Variants in MIER1 observed in about 807,000 individuals in gnomAD.
The protein encoded by MIER1 is MIER1 transcriptional regulator, also known as mesoderm induction early response protein 1.
MIER1 carries 40 observed loss-of-function variants against 75.7 expected under a neutral mutation model. The ratio of observed to expected loss-of-function variants is 0.53; its 90% CI spans 0.41 to 0.69. The LOEUF is 0.69. Ranked by LOEUF, MIER1 falls within the 30% of genes least tolerant of loss-of-function variation. The pLI is 0.00. For synonymous variants in MIER1, 213 were observed against 223.4 expected (o/e 0.95, Z 0.42); for missense variants, 574 against 680.2 (o/e 0.84, Z 1.74).
intron 7 of MIER1, 174 bp downstream of exon 7, chr1:66,959,917 A>C: frequency 3.0e-6 from 1 of 333,598 alleles, no homozygotes. Context: ...CATCTAGGTT[A>C]GATTAGAAAT....
intron 7 of MIER1, among the ~76,000 whole-genome samples, chr1:66,962,708 C>T (rs966010983): frequency 6.6e-6 from 1 of 152,084 alleles, no homozygotes; most frequent in Non-Finnish European, 1.5e-5. Context: ...ACTGATGCTG[C>T]TCATATAGGG....
chr1:66,958,943 G>A lies in MIER1; in HGVS notation c.594G>A (p.Gln198=). The stretch of plus-strand genomic sequence containing the variant: ...AATCTGTTGCTTCTCAAGATGCCCA[G>A]GAAATAATCCGCCCACGTCGATGTA... ...PSQSVASQDA[Q]EIIRPRRCKY... Residue 198 remains glutamine, a synonymous_variant, in exon 6 of 14, where the codon CAG becomes CAA. Coordinates refer to ENST00000401041, the MANE Select transcript of MIER1 (RefSeq NM_001077700.3). 1 of 1,612,986 alleles carries A rather than the reference G, an allele frequency of 6.2e-7. No homozygotes were observed. The highest frequency in any genetic ancestry group is 8.5e-7 in the Non-Finnish European group (1 of 1,179,404).
intron 13 of MIER1, among the ~76,000 whole-genome samples, chr1:66,983,717 T>C (rs774304843): frequency 6.6e-6 from 1 of 152,162 alleles, no homozygotes; most frequent in Non-Finnish European, 1.5e-5. Context: ...CTTAGGTAAA[T>C]AGTGTGTGAT....
intron 4 of MIER1, among the ~76,000 whole-genome samples, chr1:66,956,710 T>C (rs1024407589): frequency 1.3e-5 from 2 of 152,216 alleles, no homozygotes; most frequent in African/African-American, 4.8e-5. Context: ...TGCAAATCAT[T>C]AGGGGTCTTG....
chr1:66,925,330 G>T, intron 1 of MIER1: 1 of 985,428 alleles, frequency 1.0e-6, no homozygotes, highest in Non-Finnish European at 1.2e-6. Context: ...GCCTCCCAGC[G>T]CCGCCTTTTT....
chr1:66,977,051 G>A (rs1362537219), intron 12 of MIER1, among the ~76,000 whole-genome samples: 1 of 152,000 alleles, frequency 6.6e-6, no homozygotes, highest in Non-Finnish European at 1.5e-5. Flanking sequence ...CAGAACAGCT[G>A]TGAAAGCATG....
At chr1:66,949,321 A>AATTAGTAGAAAAATTTAG (rs1658388401) in intron 4 of MIER1, among the ~76,000 whole-genome samples, 2 of 152,214 alleles carry the variant, frequency 1.3e-5, no homozygotes, top group African/African-American at 4.8e-5. Flanking sequence ...GTAGAAAATT[A>AATTAGTAGAAAAATTTAG]CTAATGGGCT....
intron 4 of MIER1, among the ~76,000 whole-genome samples, chr1:66,953,612 T>TTA (rs1553248352): frequency 1.8e-4 from 27 of 149,622 alleles, no homozygotes; most frequent in African/African-American, 6.7e-4. Context: ...TTTTTTTTTT[T>TTA]AATATTCTTG....
chr1:66,964,552 A>G (rs1177017396), intron 8 of MIER1, among the ~76,000 whole-genome samples: 1 of 150,132 alleles, frequency 6.7e-6, no homozygotes, highest in East Asian at 2.0e-4. Context: ...TCTCAGGTTC[A>G]AGCAGTTCTC....
chr1:66,961,777 C>T (rs1348212607), intron 7 of MIER1, among the ~76,000 whole-genome samples: 2 of 152,054 alleles, frequency 1.3e-5, no homozygotes, highest in African/African-American at 4.8e-5. Flanking sequence ...CAAGATGTGA[C>T]AATAAAGGAC....
chr1:66,943,395 AATT>A (rs1656708104), intron 3 of MIER1, among the ~76,000 whole-genome samples: 1 of 152,190 alleles, frequency 6.6e-6, no homozygotes, highest in African/African-American at 2.4e-5. Context: ...TTTTTATTTA[AATT>A]ATTCTAAAAC....
At chr1:66,937,688 A>G (rs909511455) in intron 2 of MIER1, among the ~76,000 whole-genome samples, 4 of 152,224 alleles carry the variant, frequency 2.6e-5, no homozygotes, top group African/African-American at 9.6e-5. Flanking sequence ...TCCACACCCA[A>G]ACTTCCTATA....
At chr1:66,945,843 AAAG>A (rs1308845061) in intron 3 of MIER1, among the ~76,000 whole-genome samples, 1 of 152,166 alleles carries the variant, frequency 6.6e-6, no homozygotes, top group Admixed American at 6.5e-5. Context: ...ACCCTGTCTC[AAAG>A]AAGAAGAAGA....
rs78450744 is a variant in MIER1 at position 66,971,890 on chromosome 1, C to T, written c.1006+154C>T. Among the ~76,000 whole-genome samples the T allele has an allele frequency of 8.2e-4, 124 of 151,900 alleles. No individual in the cohort carries two copies. The East Asian group carries it at 8.9e-3, about 11-fold the overall frequency. On this transcript the variant is annotated intron_variant, in intron 10 of 13. Transcript: ENST00000401041. ...CCAAGTATTACTAAACAAATCGTTA[C>T]GGGGAGTGGGATTAAGATTGTCCCT...
chr1:66,948,685 G>C (rs34813338), intron 4 of MIER1, among the ~76,000 whole-genome samples: 5,112 of 152,264 alleles, frequency 0.034, 109 homozygotes, highest in Non-Finnish European at 0.05. Context: ...TTGAGGCCTG[G>C]AGGTCAAGAC....
At chr1:66,959,040 C>T (rs950809007) in intron 6 of MIER1, 57 bp downstream of exon 6, 1 of 1,413,378 alleles carries the variant, frequency 7.1e-7, no homozygotes, top group African/African-American at 1.4e-5. Flanking sequence ...TAGGTATTAC[C>T]TAAAATCCTC....
At chr1:66,935,273 G>A (rs975604931) in intron 2 of MIER1, among the ~76,000 whole-genome samples, 13 of 152,130 alleles carry the variant, frequency 8.5e-5, no homozygotes, top group African/African-American at 2.7e-4. Flanking sequence ...TTGAATATTC[G>A]TTACAACTAT....
chr1:66,945,996 G>T (rs1202771265), intron 3 of MIER1, among the ~76,000 whole-genome samples, 154 bp from the exon 4 acceptor site: 1 of 151,890 alleles, frequency 6.6e-6, no homozygotes, highest in Non-Finnish European at 1.5e-5. Context: ...TTTTTCTGTT[G>T]TAACTATTAA....
rs372207138 is a variant in MIER1, at chr1:66,943,989, TA to T, written c.194-2160del. 2.2e-3 allele frequency among the ~76,000 whole-genome samples: 127 copies of T among 58,198 alleles called. 1 individual carries two copies. In the South Asian group the frequency reaches 0.05, roughly 23 times the overall value. The allele number at this position is 58,198 out of a possible 152,430, so 38.2% of individuals were successfully genotyped here. ...TTGAAATCTCTAAGCCTTGAGTTTT[TA>T]TTTTTTTTTTTTCCTCTTTAAATGG... On this transcript the variant is annotated intron_variant, in intron 3 of 13. Transcript: ENST00000401041.
Sources: gnomAD v4.1 joint callset for allele counts (sites outside exome capture counted in the v4.1 genomes callset) on GRCh38, gnomAD v4.1.1 for gene constraint, MANE v1.5 for transcripts, NCBI Gene and HGNC (gene_info 2026-07-23, HGNC 2026-07-21) for gene names.